KCNH8: variants seen among roughly 807,000 people sequenced by gnomAD.
KCNH8 encodes potassium voltage-gated channel subfamily H member 8.
KCNH8 carries 70 observed loss-of-function variants against 103.6 expected under a neutral mutation model. The observed-to-expected ratio is 0.68, with a 90% CI of 0.56 to 0.82. The LOEUF (loss-of-function observed/expected upper bound fraction) is 0.82. Ranked by LOEUF, KCNH8 falls within the 40% of genes least tolerant of loss-of-function variation. The probability of loss-of-function intolerance (pLI) is 0.00; values close to 1 mark genes in which losing one functional copy is unlikely to be tolerated. For synonymous variants in KCNH8, 498 were observed against 489.4 expected, an observed-to-expected ratio of 1.02 and a Z score of -0.23; for missense variants, 1,217 against 1,329.9, an observed-to-expected ratio of 0.92 and a Z score of 1.32.
intron 5 of KCNH8, among the ~76,000 whole-genome samples, chr3:19,371,831 GC>G (rs2066101303): frequency 6.6e-6 from 1 of 150,908 alleles, no homozygotes; most frequent in Non-Finnish European, 1.5e-5. Context: ...TCTACATATG[GC>G]TAGCCAGTTT....
chr3:19,174,646 T>C (rs1182269207), intron 1 of KCNH8, among the ~76,000 whole-genome samples: 1 of 152,226 alleles, frequency 6.6e-6, no homozygotes, highest in Non-Finnish European at 1.5e-5. Flanking sequence ...AAACATGTTC[T>C]TTATTCAATT....
At chr3:19,243,671 T>C (rs2064170020) in intron 1 of KCNH8, among the ~76,000 whole-genome samples, 1 of 152,166 alleles carries the variant, frequency 6.6e-6, no homozygotes, top group Non-Finnish European at 1.5e-5. Flanking sequence ...TTGTATATGT[T>C]GTCTTCAAAA....
chr3:19,342,455 T>C, intron 3 of KCNH8, 132 bp from the exon 4 acceptor site: 1 of 708,824 alleles, frequency 1.4e-6, no homozygotes, highest in Non-Finnish European at 2.1e-6. Context: ...TTAAATGTCA[T>C]TAGGATCCAG....
chr3:19,256,311 A>G (rs2064345584), intron 2 of KCNH8, among the ~76,000 whole-genome samples: 1 of 152,146 alleles, frequency 6.6e-6, no homozygotes, highest in African/African-American at 2.4e-5. Flanking sequence ...TCTTTGGGAC[A>G]GGATACCTCA....
intron 3 of KCNH8, among the ~76,000 whole-genome samples, chr3:19,317,409 T>C (rs2065288060): frequency 6.6e-6 from 1 of 151,952 alleles, no homozygotes; most frequent in African/African-American, 2.4e-5. Context: ...TACTTTTCTT[T>C]CAGACCTGCA....
intron 3 of KCNH8, among the ~76,000 whole-genome samples, chr3:19,285,270 T>C (rs2064815712): frequency 6.6e-6 from 1 of 151,880 alleles, no homozygotes; most frequent in African/African-American, 2.4e-5. Flanking sequence ...GACCCCAGCA[T>C]TGCATTCGCA....
intron 1 of KCNH8, among the ~76,000 whole-genome samples, chr3:19,232,411 T>C (rs991046675): frequency 1.3e-5 from 2 of 152,176 alleles, no homozygotes; most frequent in Non-Finnish European, 2.9e-5. Context: ...TCCAATACAA[T>C]AAAGGAGAGT....
rs182064449 is a variant in KCNH8 at position 19,229,317 on chromosome 3, C to T, written c.77-24337C>T. Among the ~76,000 whole-genome samples, 17 of 152,350 alleles carry T rather than the reference C, an allele frequency of 1.1e-4. No individual in the cohort carries two copies. In the South Asian group the frequency reaches 2.1e-3, roughly 19 times the overall value. ...ACCACATTTCCCTTCCATGCCCTAGCAGAGGTTCTCCATGAGTGCCCTACC... is the reference window on the plus strand; with the variant it reads ...ACCACATTTCCCTTCCATGCCCTAGTAGAGGTTCTCCATGAGTGCCCTACC... On this transcript the variant is annotated intron_variant, in intron 1 of 15. Coordinates refer to ENST00000328405, the MANE Select transcript of KCNH8 (RefSeq NM_144633.3).
At chr3:19,495,743 TG>T (rs1399103028) in intron 11 of KCNH8, among the ~76,000 whole-genome samples, 1 of 152,036 alleles carries the variant, frequency 6.6e-6, no homozygotes, top group Non-Finnish European at 1.5e-5. Flanking sequence ...GCATGAAGAA[TG>T]TCACTGGCAG....
At chr3:19,381,025 A>C (rs1458123180) in intron 5 of KCNH8, among the ~76,000 whole-genome samples, 5 of 152,154 alleles carry the variant, frequency 3.3e-5, no homozygotes, top group African/African-American at 1.2e-4. Flanking sequence ...CTTCTATTTC[A>C]CTTTTAATAG....
chr3:19,427,909 A>G (rs895036161), intron 7 of KCNH8, among the ~76,000 whole-genome samples: 3 of 152,230 alleles, frequency 2.0e-5, no homozygotes, highest in African/African-American at 7.2e-5. Flanking sequence ...GAGCACTTAC[A>G]GAGAAAAATC....
At chr3:19,277,798 A>G (rs1055878042) in intron 2 of KCNH8, among the ~76,000 whole-genome samples, 3 of 152,142 alleles carry the variant, frequency 2.0e-5, no homozygotes, top group Non-Finnish European at 4.4e-5. Context: ...GTATTTATCC[A>G]TAGAAATTAA....
chr3:19,436,146 A>G (rs2067196347), intron 7 of KCNH8, among the ~76,000 whole-genome samples: 1 of 152,190 alleles, frequency 6.6e-6, no homozygotes, highest in African/African-American at 2.4e-5. Context: ...TCATAAACCT[A>G]TTGTATTCAT....
chr3:19,371,977 G>A (rs1299095155), intron 5 of KCNH8, among the ~76,000 whole-genome samples: 1 of 151,140 alleles, frequency 6.6e-6, no homozygotes, highest in Middle Eastern at 3.4e-3. Context: ...CTATATCTCT[G>A]TTTTGGTACC....
chr3:19,166,586 C>T (rs1367485707), intron 1 of KCNH8, among the ~76,000 whole-genome samples: 2 of 152,134 alleles, frequency 1.3e-5, no homozygotes, highest in African/African-American at 4.8e-5. Flanking sequence ...AAAAACTCGC[C>T]TGCCTCATTG....
intron 5 of KCNH8, among the ~76,000 whole-genome samples, chr3:19,354,186 C>T (rs1317357122): frequency 1.3e-5 from 2 of 152,102 alleles, no homozygotes; most frequent in African/African-American, 2.4e-5. Flanking sequence ...ATGTGAAAGA[C>T]CTCTTCAAGG....
At chr3:19,502,490 G>C (rs1328126261) in intron 11 of KCNH8, among the ~76,000 whole-genome samples, 1 of 152,154 alleles carries the variant, frequency 6.6e-6, no homozygotes, top group Non-Finnish European at 1.5e-5. Context: ...AAAGAACAAA[G>C]CTGGAGGCAT....
intron 3 of KCNH8, among the ~76,000 whole-genome samples, chr3:19,325,962 A>G (rs975819651): frequency 6.6e-6 from 1 of 152,212 alleles, no homozygotes; most frequent in Non-Finnish European, 1.5e-5. Flanking sequence ...GATAGAATGG[A>G]CAAAGAAAAT....
At chr3:19,476,086 A>G (rs1362352435) in intron 11 of KCNH8, among the ~76,000 whole-genome samples, 1 of 152,176 alleles carries the variant, frequency 6.6e-6, no homozygotes, top group Admixed American at 6.6e-5. Context: ...TAAGTTTCGA[A>G]GATTTCTTTA....
Sources: allele counts gnomAD v4.1 joint callset (sites outside exome capture counted in the v4.1 genomes callset), GRCh38; gene constraint gnomAD v4.1.1; transcripts MANE v1.5; gene names NCBI Gene and HGNC (gene_info 2026-07-23, HGNC 2026-07-21).